Variants in ADAMTSL1 observed in about 807,000 individuals in gnomAD.
ADAMTSL1 encodes ADAMTS like 1.
In ADAMTSL1, 126 loss-of-function variants were observed where a neutral mutation model predicts 201.8. The ratio of observed to expected loss-of-function variants is 0.62; its 90% CI spans 0.54 to 0.72. The LOEUF (loss-of-function observed/expected upper bound fraction) is 0.72, where lower values mean the gene tolerates loss of function less well. ADAMTSL1 is among the 30% of genes least tolerant of loss of function. The pLI is 0.00. For missense variants in ADAMTSL1, 2,679 were observed against 2,277.8 expected (o/e 1.18, Z -3.59); for synonymous variants, 1,121 against 903.4 (o/e 1.24, Z -4.32).
At chr9:18,038,015 G>A (rs1360235) in intron 1 of ADAMTSL1, among the ~76,000 whole-genome samples, 79,901 of 151,954 alleles carry the variant, frequency 0.53, 21,221 homozygotes, top group African/African-American at 0.59. Context: ...TTCAGTGATC[G>A]TGATGATACG....
chr9:18,296,656 A>G (rs1833488747), intron 2 of ADAMTSL1, among the ~76,000 whole-genome samples: 1 of 152,218 alleles, frequency 6.6e-6, no homozygotes, highest in South Asian at 2.1e-4. Flanking sequence ...ATATTTTTTA[A>G]AAGGGAATAG....
chr9:18,127,307 C>G (rs1816319338), intron 1 of ADAMTSL1, among the ~76,000 whole-genome samples: 1 of 152,128 alleles, frequency 6.6e-6, no homozygotes, highest in African/African-American at 2.4e-5. Context: ...ATGGATTACA[C>G]TGTACTAGAT....
chr9:18,064,500 C>T (rs1374639182), intron 1 of ADAMTSL1, among the ~76,000 whole-genome samples: 1 of 152,146 alleles, frequency 6.6e-6, no homozygotes, highest in Non-Finnish European at 1.5e-5. Context: ...AGTCCTGTTA[C>T]CTCCTTCTTG....
chr9:17,979,708 C>T (rs1404553853), intron 1 of ADAMTSL1, among the ~76,000 whole-genome samples: 1 of 152,058 alleles, frequency 6.6e-6, no homozygotes, highest in Non-Finnish European at 1.5e-5. Flanking sequence ...TTCTGCTTTT[C>T]TGTGGCTCTG....
chr9:18,706,446 C>T (rs1385941810), intron 13 of ADAMTSL1, among the ~76,000 whole-genome samples: 3 of 152,124 alleles, frequency 2.0e-5, no homozygotes, highest in East Asian at 1.9e-4. Flanking sequence ...GAAGAAACCA[C>T]CAATTCCCTG....
chr9:17,928,315 G>A (rs757798354), intron 1 of ADAMTSL1, among the ~76,000 whole-genome samples: 2 of 152,102 alleles, frequency 1.3e-5, no homozygotes, highest in Non-Finnish European at 2.9e-5. Flanking sequence ...CTGTATACAA[G>A]AAAAGCAGCA....
At chr9:18,618,574 T>C (rs1328169835) in intron 4 of ADAMTSL1, among the ~76,000 whole-genome samples, 1 of 150,492 alleles carries the variant, frequency 6.6e-6, no homozygotes, top group African/African-American at 2.4e-5. Context: ...AAAAGATTTA[T>C]TCTCTCACAA....
chr9:18,564,240 C>T (rs1170162756), intron 3 of ADAMTSL1, among the ~76,000 whole-genome samples: 1 of 152,196 alleles, frequency 6.6e-6, no homozygotes, highest in African/African-American at 2.4e-5. Context: ...CACAGTGCCT[C>T]ATGGCTTCCT....
At chr9:18,548,939 A>G (rs1820633830) in intron 3 of ADAMTSL1, among the ~76,000 whole-genome samples, 1 of 151,882 alleles carries the variant, frequency 6.6e-6, no homozygotes, top group Non-Finnish European at 1.5e-5. Context: ...GAAGTTAGAA[A>G]CTTTACCCAA....
At chr9:18,391,162 C>G (rs1035403636) in intron 2 of ADAMTSL1, among the ~76,000 whole-genome samples, 6 of 152,134 alleles carry the variant, frequency 3.9e-5, no homozygotes, top group Non-Finnish European at 7.3e-5. Flanking sequence ...TTTGTTGGAC[C>G]TAAAACACTG....
intron 1 of ADAMTSL1, among the ~76,000 whole-genome samples, chr9:17,907,794 T>C (rs946792603): frequency 6.6e-6 from 1 of 152,124 alleles, no homozygotes; most frequent in Non-Finnish European, 1.5e-5. Context: ...TTTCACACTT[T>C]CCAGACTCAG....
intron 2 of ADAMTSL1, among the ~76,000 whole-genome samples, chr9:18,241,882 C>A (rs1218293578): frequency 6.6e-6 from 1 of 151,874 alleles, no homozygotes; most frequent in Non-Finnish European, 1.5e-5. Flanking sequence ...GCAACAAAAA[C>A]CCTTACAGCA....
chr9:18,669,170 A>T (rs1257969701), intron 9 of ADAMTSL1, among the ~76,000 whole-genome samples: 1 of 152,250 alleles, frequency 6.6e-6, no homozygotes, highest in East Asian at 1.9e-4. Context: ...GGGTGTTTGA[A>T]TTGACCACAT....
chr9:18,386,978 A>G (rs1367298511), intron 2 of ADAMTSL1, among the ~76,000 whole-genome samples: 1 of 152,156 alleles, frequency 6.6e-6, no homozygotes, highest in Non-Finnish European at 1.5e-5. Flanking sequence ...GCAATTTGTC[A>G]GTACATACCA....
intron 6 of ADAMTSL1, among the ~76,000 whole-genome samples, chr9:18,637,600 G>T (rs138330179): frequency 3.3e-5 from 5 of 152,266 alleles, no homozygotes; most frequent in Non-Finnish European, 5.9e-5. Flanking sequence ...ACTGGAACCT[G>T]CTTTTTTCTC....
At chr9:18,049,621 T>TC (rs1442580299) in intron 1 of ADAMTSL1, among the ~76,000 whole-genome samples, 1 of 148,570 alleles carries the variant, frequency 6.7e-6, no homozygotes, top group African/African-American at 2.5e-5. Flanking sequence ...TTCTTATTCT[T>TC]TTTTTTTTTT....
At chr9:18,330,390 A>C (rs1834982277) in intron 2 of ADAMTSL1, among the ~76,000 whole-genome samples, 1 of 151,964 alleles carries the variant, frequency 6.6e-6, no homozygotes. Flanking sequence ...CTACAGTGAC[A>C]CAGTTGAGGA....
chr9:18,450,408 A>G (rs1293699451), intron 2 of ADAMTSL1, among the ~76,000 whole-genome samples: 1 of 152,200 alleles, frequency 6.6e-6, no homozygotes, highest in Non-Finnish European at 1.5e-5. Context: ...GTACAAATTT[A>G]GCTCACTCAA....
rs191367515 is a variant in ADAMTSL1 at position 18,146,446 on chromosome 9, C to T, written c.88-17416C>T. Among the ~76,000 whole-genome samples, 230 of 151,976 alleles carry T rather than the reference C, an allele frequency of 1.5e-3. 1 individual carries two copies. Among genetic ancestry groups the T allele is most frequent in the Admixed American group, 2.8e-3 (42 of 15,232 alleles). ...TTGATGAATCTGAAATACATATTGC[C>T]GAGAAAAAGAAGCTAGCCTGAAAAA... On this transcript the variant is annotated intron_variant, in intron 1 of 29. Coordinates refer to the ADAMTSL1 transcript ENST00000680146.
Sources: allele counts gnomAD v4.1 joint callset (sites outside exome capture counted in the v4.1 genomes callset), GRCh38; gene constraint gnomAD v4.1.1; transcripts MANE v1.5; gene names NCBI Gene and HGNC (gene_info 2026-07-23, HGNC 2026-07-21).